MTA3: variants seen among roughly 807,000 people sequenced by gnomAD.
MTA3 encodes metastasis-associated protein MTA3.
Under a neutral mutation model 83.5 loss-of-function variants are expected in MTA3, and 34 were observed. That is an observed-to-expected ratio of 0.41 (90% CI 0.31 to 0.54). The LOEUF is 0.54. Among genes scored for constraint, MTA3 ranks in the 20% least tolerant of loss-of-function variants. The pLI is 0.33. For synonymous variants in MTA3, 303 were observed against 252.7 expected (o/e 1.20, Z -1.89); for missense variants, 761 against 726.4 (o/e 1.05, Z -0.55).
Position 42,754,788 on chromosome 2 carries a change from C to T in MTA3, c.*1389C>T. 1.0e-6 allele frequency: 1 copy of T among 985,488 alleles called. No individual in the cohort carries two copies. The highest frequency in any genetic ancestry group is 1.2e-6 in the Non-Finnish European group (1 of 829,960). The allele number at this position is 985,488 out of a possible 1,614,324, so 61.0% of individuals were successfully genotyped here. ...ACAATTGAATTGACACCCTGGGAAG[C>T]ACGAGGTAACTTGGTAAGGATAATG... On this transcript the variant is annotated 3_prime_UTR_variant, in exon 17 of 17. Coordinates refer to ENST00000405094, the MANE Select transcript of MTA3 (RefSeq NM_001330442.2).
rs1027445534 is a variant in MTA3 at position 42,712,364 on chromosome 2, C to G, written c.1525+3268C>G. On this transcript the variant is annotated intron_variant, in intron 14 of 16. Transcript: ENST00000405094. ...ATGCTCTGGAGTGCAGTGGTACCATCATAGCTCAGTGCAGCCTTGAACTCT... is the reference window on the plus strand; with the variant it reads ...ATGCTCTGGAGTGCAGTGGTACCATGATAGCTCAGTGCAGCCTTGAACTCT... Among the ~76,000 whole-genome samples the G allele has an allele frequency of 7.2e-5, 11 of 152,014 alleles. No homozygotes were observed. In the South Asian group the frequency reaches 2.1e-3, roughly 29 times the overall value.
intron 2 of MTA3, among the ~76,000 whole-genome samples, chr2:42,553,981 C>A (rs1430398147): frequency 6.6e-6 from 1 of 151,092 alleles, no homozygotes; most frequent in African/African-American, 2.4e-5. Context: ...CGCGTGTAAT[C>A]CCAGCACTTT....
intron 8 of MTA3, among the ~76,000 whole-genome samples, chr2:42,675,367 C>T (rs879849737): frequency 6.6e-6 from 1 of 152,154 alleles, no homozygotes; most frequent in East Asian, 1.9e-4. Flanking sequence ...AACTCCTGAC[C>T]TCGTGGTCCG....
chr2:42,711,773 A>AGGGTGTGTGTTTGTGT, intron 14 of MTA3, among the ~76,000 whole-genome samples: 1 of 43,178 alleles, frequency 2.3e-5, no homozygotes, highest in African/African-American at 7.2e-5. Context: ...AGTGTATAGG[A>AGGGTGTGTGTTTGTGT]GAGAGAGAGA....
In MTA3 at chr2:42,547,765, A is replaced by G. The variant is rs541047195; in HGVS notation, c.-140-22672A>G. Among the ~76,000 whole-genome samples the G allele has an allele frequency of 5.3e-5, 8 of 152,352 alleles. No individual in the cohort carries two copies. The South Asian group carries it at 1.7e-3, about 32-fold the overall frequency. On this transcript the variant is annotated intron_variant, in intron 2 of 17. Transcript: ENST00000405592. ...TATTAAGCTAGGTTGCAGTTCGTCC[A>G]CGAGGACTCAAATAAAGAAGTACAG...
At chr2:42,677,043 T>A (rs1472278784) in intron 8 of MTA3, among the ~76,000 whole-genome samples, 1 of 152,200 alleles carries the variant, frequency 6.6e-6, no homozygotes, top group East Asian at 1.9e-4. Flanking sequence ...TGGCACTGAA[T>A]CAGACTTTTT....
chr2:42,682,295 G>A (rs1042710492), intron 8 of MTA3, 106 bp from the exon 9 acceptor site: 13 of 755,594 alleles, frequency 1.7e-5, no homozygotes, highest in Non-Finnish European at 2.6e-5. Flanking sequence ...AAATAAATAA[G>A]TATATTGTTA....
intron 2 of MTA3, among the ~76,000 whole-genome samples, chr2:42,532,524 GA>G (rs1355962984): frequency 3.3e-5 from 5 of 151,982 alleles, no homozygotes; most frequent in African/African-American, 7.2e-5. Context: ...AACAAAAAAA[GA>G]AAAAAAGTAT....
At chr2:42,556,951 C>A (rs1458113994) in intron 2 of MTA3, among the ~76,000 whole-genome samples, 1 of 152,180 alleles carries the variant, frequency 6.6e-6, no homozygotes, top group Non-Finnish European at 1.5e-5. Context: ...AGATCAAGGG[C>A]AGAGGAAGGA....
In MTA3 at chr2:42,496,291, A is replaced by G. The variant is rs556870158; in HGVS notation, c.-141+1037A>G. 3.9e-5 allele frequency among the ~76,000 whole-genome samples: 6 copies of G among 152,312 alleles called. No individual in the cohort carries two copies. In the South Asian group the frequency reaches 1.2e-3, roughly 32 times the overall value. On this transcript the variant is annotated intron_variant, in intron 2 of 17. Coordinates refer to the MTA3 transcript ENST00000405592. Reference sequence around the variant, plus strand: ...AATCATTTCATTTGTTTCAAGAGTAATATTTTTATTTGATTTTAATATCAT... The same window carrying G: ...AATCATTTCATTTGTTTCAAGAGTAGTATTTTTATTTGATTTTAATATCAT...
chr2:42,519,767 G>C (rs1026777243), intron 2 of MTA3, among the ~76,000 whole-genome samples: 2 of 152,054 alleles, frequency 1.3e-5, no homozygotes, highest in African/African-American at 4.8e-5. Flanking sequence ...AAATTAACCA[G>C]GGCCGGTTAC....
intron 12 of MTA3, among the ~76,000 whole-genome samples, chr2:42,706,526 G>T (rs1164918506): frequency 6.6e-6 from 1 of 152,172 alleles, no homozygotes; most frequent in Admixed American, 6.5e-5. Flanking sequence ...ATTGGTTTGT[G>T]AAGTGTTAGT....
At chr2:42,716,946 G>A (rs1427084751) in intron 14 of MTA3, among the ~76,000 whole-genome samples, 1 of 152,050 alleles carries the variant, frequency 6.6e-6, no homozygotes, top group East Asian at 1.9e-4. Context: ...CCCATCAACC[G>A]TGTATAGCAT....
intron 4 of MTA3, among the ~76,000 whole-genome samples, chr2:42,626,819 T>C (rs114596559): frequency 0.018 from 2,781 of 152,156 alleles, 71 homozygotes; most frequent in African/African-American, 0.062. Flanking sequence ...CAGCTCACTG[T>C]AACCTCTGTC....
At chr2:42,527,136 C>T (rs986887042) in intron 2 of MTA3, among the ~76,000 whole-genome samples, 1 of 149,330 alleles carries the variant, frequency 6.7e-6, no homozygotes, top group Non-Finnish European at 1.5e-5. Flanking sequence ...TTCCAGAAAA[C>T]CCCTACTTCT....
chr2:42,643,505 A>G (rs1450864382), intron 5 of MTA3, among the ~76,000 whole-genome samples: 1 of 152,190 alleles, frequency 6.6e-6, no homozygotes, highest in African/African-American at 2.4e-5. Context: ...GTGAGCATGT[A>G]TATAGCTATG....
intron 3 of MTA3, among the ~76,000 whole-genome samples, chr2:42,595,046 C>A (rs1210402647): frequency 1.4e-5 from 2 of 142,800 alleles, no homozygotes; most frequent in African/African-American, 5.2e-5. Context: ...AGCCACCACA[C>A]TGGGCCATAG....
At chr2:42,700,925 C>T (rs573232925) in intron 11 of MTA3, among the ~76,000 whole-genome samples, 2 of 152,152 alleles carry the variant, frequency 1.3e-5, no homozygotes, top group African/African-American at 4.8e-5. Context: ...AAATGGACCT[C>T]GCCTCTACAA....
intron 14 of MTA3, among the ~76,000 whole-genome samples, chr2:42,711,193 GA>G: frequency 6.6e-6 from 1 of 152,204 alleles, no homozygotes; most frequent in Non-Finnish European, 1.5e-5. Context: ...GACTAGAAGA[GA>G]AACCATCAGC....
Sources: gnomAD v4.1 joint callset for allele counts (sites outside exome capture counted in the v4.1 genomes callset) on GRCh38, gnomAD v4.1.1 for gene constraint, MANE v1.5 for transcripts, NCBI Gene and HGNC (gene_info 2026-07-23, HGNC 2026-07-21) for gene names.